Variants in ZNG1B observed in about 807,000 individuals in gnomAD.
ZNG1B encodes Zn regulated GTPase metalloprotein activator 1B.
chr2:113,448,140 A>G, the ZNG1B span, among the ~76,000 whole-genome samples: 2 of 152,108 alleles, frequency 1.3e-5, no homozygotes, highest in African/African-American at 4.8e-5. Context: ...TATTTCTTAA[A>G]TAAGACTTAA....
At chr2:113,465,866 G>A in the ZNG1B span, 1 of 980,672 alleles carries the variant, frequency 1.0e-6, no homozygotes, top group Admixed American at 6.5e-5. Flanking sequence ...GTCTCTACTT[G>A]AGAAATTCTT....
chr2:113,438,307 ACCT>A, the ZNG1B span, among the ~76,000 whole-genome samples: 3 of 152,076 alleles, frequency 2.0e-5, no homozygotes, highest in South Asian at 6.2e-4. Context: ...TGTCTCTGTG[ACCT>A]CCTACCAAGT....
the ZNG1B span, among the ~76,000 whole-genome samples, chr2:113,460,478 G>A: frequency 6.6e-6 from 1 of 152,030 alleles, no homozygotes; most frequent in African/African-American, 2.4e-5. Context: ...AGGTTCACTT[G>A]TAGAAAAAAA....
chr2:113,455,704 T>G, the ZNG1B span: 2 of 866,160 alleles, frequency 2.3e-6, no homozygotes, highest in South Asian at 2.9e-5. Flanking sequence ...GTATCCAACC[T>G]CATATCTGAA....
At chr2:113,473,689 A>T in the ZNG1B span, among the ~76,000 whole-genome samples, 1 of 146,750 alleles carries the variant, frequency 6.8e-6, no homozygotes, top group African/African-American at 2.6e-5. Context: ...GAGAGTTTTT[A>T]GCATGATGGG....
the ZNG1B span, among the ~76,000 whole-genome samples, chr2:113,449,146 A>G: frequency 0.019 from 2,922 of 151,296 alleles, 87 homozygotes; most frequent in African/African-American, 0.067. Context: ...AGAACTGAAG[A>G]GAGTTAGGGT....
chr2:113,442,608 AC>A, the ZNG1B span, among the ~76,000 whole-genome samples: 1 of 152,108 alleles, frequency 6.6e-6, no homozygotes, highest in Admixed American at 6.5e-5. Flanking sequence ...ATTTATTCTT[AC>A]TATTTTCTTT....
At chr2:113,445,553 G>A in the ZNG1B span, 1 of 153,116 alleles carries the variant, frequency 6.5e-6, no homozygotes, top group Non-Finnish European at 1.4e-5. Context: ...TAAGTGCTGT[G>A]TAAGTAGTTA....
the ZNG1B span, among the ~76,000 whole-genome samples, chr2:113,452,345 G>A: frequency 3.3e-5 from 5 of 152,152 alleles, no homozygotes; most frequent in East Asian, 7.8e-4. Context: ...AGCTTTAGAC[G>A]TTGGAATGAG....
chr2:113,465,676 A>C, the ZNG1B span: 1 of 943,396 alleles, frequency 1.1e-6, no homozygotes, highest in Non-Finnish European at 1.3e-6. Flanking sequence ...TGTAGATTAA[A>C]TTCTGTTTTC....
At chr2:113,459,500 C>T in the ZNG1B span, among the ~76,000 whole-genome samples, 11 of 151,314 alleles carry the variant, frequency 7.3e-5, no homozygotes, top group Non-Finnish European at 1.3e-4. Flanking sequence ...TTCACAAAGA[C>T]TTTAAAATTA....
the ZNG1B span, among the ~76,000 whole-genome samples, chr2:113,488,189 G>T: frequency 4.6e-5 from 7 of 152,086 alleles, no homozygotes; most frequent in African/African-American, 1.7e-4. Context: ...CACATCTCCC[G>T]ACTCTGTGCA....
chr2:113,486,814 G>A, the ZNG1B span, among the ~76,000 whole-genome samples: 397 of 152,160 alleles, frequency 2.6e-3, 1 homozygote, highest in African/African-American at 9.1e-3. Flanking sequence ...CGTATTTTGC[G>A]ACATTCTCAA....
chr2:113,461,738 G>A, the ZNG1B span, among the ~76,000 whole-genome samples: 1 of 151,962 alleles, frequency 6.6e-6, no homozygotes, highest in Non-Finnish European at 1.5e-5. Context: ...AGACATTTGG[G>A]CAATATCCTG....
the ZNG1B span, among the ~76,000 whole-genome samples, chr2:113,448,065 C>T: frequency 2.0e-5 from 3 of 152,194 alleles, no homozygotes; most frequent in Admixed American, 2.0e-4. Context: ...AGAAGGTTTT[C>T]AATTTAGTTT....
the ZNG1B span, chr2:113,469,353 T>C: frequency 1.4e-5 from 2 of 148,090 alleles, no homozygotes; most frequent in South Asian, 4.3e-4. Context: ...ATTGGCCAGG[T>C]TGGTGTCAAA....
the ZNG1B span, chr2:113,444,820 G>A: frequency 8.9e-7 from 1 of 1,121,038 alleles, no homozygotes; most frequent in Non-Finnish European, 1.3e-6. Flanking sequence ...CGGACATTTT[G>A]TTAGAAGGTT....
chr2:113,477,317 A>G, the ZNG1B span, among the ~76,000 whole-genome samples: 7 of 152,056 alleles, frequency 4.6e-5, no homozygotes, highest in Admixed American at 3.9e-4. Context: ...TTGACTAGGA[A>G]AGGGAACTCC....
the ZNG1B span, among the ~76,000 whole-genome samples, chr2:113,478,990 G>A: frequency 1.4e-3 from 206 of 152,056 alleles, no homozygotes; most frequent in African/African-American, 4.8e-3. Flanking sequence ...TTCTGGTATT[G>A]GAACAGTACC....
Sources: allele counts gnomAD v4.1 joint callset (sites outside exome capture counted in the v4.1 genomes callset), GRCh38; gene constraint gnomAD v4.1.1; transcripts MANE v1.5; gene names NCBI Gene and HGNC (gene_info 2026-07-23, HGNC 2026-07-21).